The following ENTREP2 variants were observed in gnomAD, a reference collection of about 807,000 sequenced individuals.
ENTREP2 encodes protein ENTREP2.
the ENTREP2 span, among the ~76,000 whole-genome samples, chr15:29,503,792 A>C: frequency 6.6e-6 from 1 of 152,230 alleles, no homozygotes; most frequent in Non-Finnish European, 1.5e-5. Flanking sequence ...TAACTTGTAA[A>C]TGTTATTTTT....
chr15:29,379,598 A>G, the ENTREP2 span, among the ~76,000 whole-genome samples: 1 of 152,112 alleles, frequency 6.6e-6, no homozygotes, highest in Admixed American at 6.6e-5. Flanking sequence ...CTGTAGGTCC[A>G]GCTGCTGCTA....
chr15:29,568,906 T>G, the ENTREP2 span, among the ~76,000 whole-genome samples: 2 of 152,128 alleles, frequency 1.3e-5, no homozygotes, highest in Non-Finnish European at 2.9e-5. Context: ...GGTTTATTAT[T>G]AAAAGGCAGT....
the ENTREP2 span, among the ~76,000 whole-genome samples, chr15:29,641,598 A>AAG: frequency 0.046 from 7,041 of 152,162 alleles, 186 homozygotes; most frequent in South Asian, 0.065. Flanking sequence ...TTGCAAGGCT[A>AAG]AGGTGGGCAG....
the ENTREP2 span, among the ~76,000 whole-genome samples, chr15:29,385,711 G>A: frequency 2.0e-5 from 3 of 152,140 alleles, no homozygotes; most frequent in African/African-American, 7.2e-5. Context: ...GCTGGGTAGA[G>A]AAGGGTGGGG....
At chr15:29,577,003 T>G in the ENTREP2 span, among the ~76,000 whole-genome samples, 1 of 151,922 alleles carries the variant, frequency 6.6e-6, no homozygotes, top group African/African-American at 2.4e-5. Context: ...GAGATGGGGT[T>G]TCACCGTGTT....
At chr15:29,520,481 C>T in the ENTREP2 span, among the ~76,000 whole-genome samples, 1 of 151,930 alleles carries the variant, frequency 6.6e-6, no homozygotes, top group Admixed American at 6.6e-5. Flanking sequence ...TACTCACTAT[C>T]AATATTTTTC....
the ENTREP2 span, among the ~76,000 whole-genome samples, chr15:29,645,501 G>A: frequency 2.0e-5 from 3 of 152,178 alleles, no homozygotes; most frequent in African/African-American, 7.2e-5. Context: ...CCACATTACA[G>A]TAGCTTGTTC....
At chr15:29,333,772 T>C in the ENTREP2 span, among the ~76,000 whole-genome samples, 74 of 152,130 alleles carry the variant, frequency 4.9e-4, no homozygotes, top group Middle Eastern at 3.4e-3. Context: ...TGTGACCTTA[T>C]TGGAAATAGG....
the ENTREP2 span, chr15:29,611,206 C>T: frequency 6.6e-6 from 1 of 152,142 alleles, no homozygotes; most frequent in South Asian, 2.1e-4. Flanking sequence ...GTCCCTAGCC[C>T]CGGACTCTGA....
chr15:29,668,714 C>T, the ENTREP2 span, among the ~76,000 whole-genome samples: 1 of 152,174 alleles, frequency 6.6e-6, no homozygotes. Flanking sequence ...TCTCTCTCCT[C>T]CCTCCTGCCC....
the ENTREP2 span, chr15:29,609,710 A>G: frequency 6.7e-6 from 1 of 150,210 alleles, no homozygotes; most frequent in Non-Finnish European, 1.5e-5. Context: ...ATATTACCCA[A>G]TCTGTGATAT....
chr15:29,321,478 T>A, the ENTREP2 span, among the ~76,000 whole-genome samples: 1 of 151,708 alleles, frequency 6.6e-6, no homozygotes, highest in East Asian at 1.9e-4. Context: ...TGGAATCCCA[T>A]CTCAACAAAC....
the ENTREP2 span, among the ~76,000 whole-genome samples, chr15:29,584,621 A>T: frequency 5.5e-4 from 84 of 152,266 alleles, no homozygotes; most frequent in African/African-American, 2.0e-3. Flanking sequence ...AAAAAGTTAA[A>T]CTCACAGAAA....
the ENTREP2 span, among the ~76,000 whole-genome samples, chr15:29,128,258 G>C: frequency 6.6e-6 from 1 of 152,072 alleles, no homozygotes; most frequent in Non-Finnish European, 1.5e-5. Flanking sequence ...TGGAGCCTTA[G>C]ACCACCTCCC....
the ENTREP2 span, among the ~76,000 whole-genome samples, chr15:29,453,482 C>T: frequency 6.6e-6 from 1 of 152,198 alleles, no homozygotes; most frequent in Non-Finnish European, 1.5e-5. Flanking sequence ...GCACAGAAGG[C>T]CTGGGGAGGA....
the ENTREP2 span, among the ~76,000 whole-genome samples, chr15:29,301,565 T>C: frequency 1.3e-5 from 2 of 152,194 alleles, no homozygotes; most frequent in Admixed American, 1.3e-4. Context: ...TGATTCTGTG[T>C]CTCCAGATAC....
At chr15:29,456,638 C>G in the ENTREP2 span, among the ~76,000 whole-genome samples, 1 of 152,320 alleles carries the variant, frequency 6.6e-6, no homozygotes, top group Non-Finnish European at 1.5e-5. Context: ...AGAGGGGAGA[C>G]AGTGCCACCT....
the ENTREP2 span, among the ~76,000 whole-genome samples, chr15:29,616,794 G>A: frequency 1.3e-5 from 2 of 152,136 alleles, no homozygotes; most frequent in African/African-American, 4.8e-5. Flanking sequence ...AAATTTAGGG[G>A]CTGGGCATGG....
chr15:29,418,802 C>A, the ENTREP2 span, among the ~76,000 whole-genome samples: 11 of 152,168 alleles, frequency 7.2e-5, no homozygotes, highest in Admixed American at 5.2e-4. Flanking sequence ...CAATTCTGGG[C>A]ACAAGCAGCA....
Sources: allele counts gnomAD v4.1 joint callset (sites outside exome capture counted in the v4.1 genomes callset), GRCh38; gene constraint gnomAD v4.1.1; transcripts MANE v1.5; gene names NCBI Gene and HGNC (gene_info 2026-07-23, HGNC 2026-07-21).